The following CCDC191 variants were observed in gnomAD, a reference collection of about 807,000 sequenced individuals.
CCDC191 encodes the protein coiled-coil domain-containing protein 191.
In CCDC191, 99 loss-of-function variants were observed where a neutral mutation model predicts 114.0. The ratio of observed to expected loss-of-function variants is 0.87; its 90% confidence interval spans 0.74 to 1.03. CCDC191 has a LOEUF of 1.03. Ranked by LOEUF, CCDC191 falls within the 50% of genes least tolerant of loss-of-function variation. The pLI, the probability that CCDC191 is intolerant of heterozygous loss-of-function variation, is 0.00. For missense variants in CCDC191, 973 were observed against 1,087.0 expected (o/e 0.90, Z 1.47); for synonymous variants, 351 against 376.0 (o/e 0.93, Z 0.77).
chr3:113,985,019 T>G (rs1302976838), intron 13 of CCDC191, among the ~76,000 whole-genome samples: 2 of 152,116 alleles, frequency 1.3e-5, no homozygotes. Flanking sequence ...GGATACCATA[T>G]GAGTAAGACA....
chr3:114,007,082 C>G (rs1474283144), intron 9 of CCDC191, among the ~76,000 whole-genome samples: 1 of 152,142 alleles, frequency 6.6e-6, no homozygotes, highest in Non-Finnish European at 1.5e-5. Flanking sequence ...AGCTTTATTA[C>G]ATAAATCCCA....
intron 13 of CCDC191, 129 bp from the exon 14 acceptor site, chr3:113,980,922 G>A (rs1326866628): frequency 2.5e-6 from 2 of 790,050 alleles, no homozygotes; most frequent in Middle Eastern, 3.4e-4. Flanking sequence ...ACAGAGCTCT[G>A]GATAATAGGG....
At chr3:113,979,818 A>G (rs2075076476) in intron 14 of CCDC191, among the ~76,000 whole-genome samples, 1 of 152,206 alleles carries the variant, frequency 6.6e-6, no homozygotes, top group Non-Finnish European at 1.5e-5. Flanking sequence ...GCAGACTGAG[A>G]GCCAAAAGAT....
chr3:114,004,810 C>A, intron 10 of CCDC191, 64 bp from the exon 11 acceptor site: 3 of 1,542,504 alleles, frequency 1.9e-6, no homozygotes, highest in South Asian at 1.2e-5. Flanking sequence ...CTCCTTTGAC[C>A]TGAGATGCTC....
chr3:114,012,356 A>T (rs2076085142), intron 8 of CCDC191, among the ~76,000 whole-genome samples: 1 of 152,172 alleles, frequency 6.6e-6, no homozygotes, highest in African/African-American at 2.4e-5. Context: ...ATATTTCATT[A>T]TATTTAATTG....
chr3:114,003,544 C>A, intron 11 of CCDC191: 1 of 985,376 alleles, frequency 1.0e-6, no homozygotes, highest in Non-Finnish European at 1.2e-6. Context: ...CTTTGCCCAT[C>A]TTTTCTAGAT....
chr3:114,034,454 G>A lies in CCDC191; in HGVS notation c.818+471C>T, dbSNP rs575233019. ...GGCAATGTTTCAAGAGTCAGAAAAA[G>A]ACCTGTGTCATTTAACTCAGAAATT... is the stretch of plus-strand genomic sequence containing the variant. On this transcript the variant is annotated intron_variant, in intron 6 of 16. Transcript: ENST00000295878. Among the ~76,000 whole-genome samples the A allele has an allele frequency of 2.0e-5, 3 of 152,186 alleles. No individual in the cohort carries two copies. In the East Asian group the frequency reaches 5.8e-4, roughly 29 times the overall value.
intron 2 of CCDC191, among the ~76,000 whole-genome samples, chr3:114,048,455 T>C (rs1480584016): frequency 6.6e-6 from 1 of 152,212 alleles, no homozygotes; most frequent in African/African-American, 2.4e-5. Context: ...TCCAAGACTC[T>C]CGCTAATCTT....
intron 5 of CCDC191, 119 bp from the exon 6 acceptor site, chr3:114,035,267 C>T: frequency 1.5e-6 from 1 of 679,786 alleles, no homozygotes; most frequent in South Asian, 1.9e-5. Flanking sequence ...TGGCCCAGAA[C>T]TCCACTGTTT....
chr3:114,008,966 A>G (rs1160967462), intron 9 of CCDC191, among the ~76,000 whole-genome samples: 1 of 152,168 alleles, frequency 6.6e-6, no homozygotes, highest in Non-Finnish European at 1.5e-5. Context: ...GGTATAGCCT[A>G]TTGCCCCTAG....
At chr3:114,018,656 T>A (rs1027315618) in intron 8 of CCDC191, 22 bp downstream of exon 8, 1 of 1,579,666 alleles carries the variant, frequency 6.3e-7, no homozygotes, top group African/African-American at 1.4e-5. Context: ...ATACTAGATT[T>A]TCACAATACA....
chr3:114,052,392 G>A (rs1171570927), intron 2 of CCDC191, among the ~76,000 whole-genome samples: 3 of 152,156 alleles, frequency 2.0e-5, no homozygotes, highest in Admixed American at 1.3e-4. Flanking sequence ...GTGTGACTAA[G>A]CCCTGCAGGG....
chr3:114,049,157 C>G (rs2076668547), intron 2 of CCDC191, among the ~76,000 whole-genome samples: 2 of 152,164 alleles, frequency 1.3e-5, no homozygotes, highest in Non-Finnish European at 2.9e-5. Context: ...AAGACATGAG[C>G]CAGAAGAAAA....
intron 1 of CCDC191, among the ~76,000 whole-genome samples, chr3:114,055,100 C>T (rs2107772113): frequency 6.6e-6 from 1 of 152,220 alleles, no homozygotes; most frequent in African/African-American, 2.4e-5. Context: ...CTTTCACTTA[C>T]CTAACACTTT....
chr3:114,022,703 T>C (rs2076260605), intron 7 of CCDC191, among the ~76,000 whole-genome samples: 1 of 152,096 alleles, frequency 6.6e-6, no homozygotes, highest in Non-Finnish European at 1.5e-5. Context: ...AACTTCTCTT[T>C]TCCTTTGTGG....
Position 114,008,040 on chromosome 3 carries a change from A to ATATATATATTACTATATATATAAATTAC in CCDC191, c.1414-2106_1414-2079dup, listed in dbSNP as rs1236988872. 1.6e-3 allele frequency among the ~76,000 whole-genome samples: 230 copies of ATATATATATTACTATATATATAAATTAC among 146,642 alleles called. 1 individual carries two copies. Among genetic ancestry groups the ATATATATATTACTATATATATAAATTAC allele is most frequent in the Non-Finnish European group, 3.1e-3 (204 of 66,538 alleles). ...TGAGTCTAAATATATATAAATTACT[A>ATATATATATTACTATATATATAAATTAC]TATATATATTACTATATATATAAAT... On this transcript the variant is annotated intron_variant, in intron 9 of 16. Coordinates refer to ENST00000295878, the MANE Select transcript of CCDC191 (RefSeq NM_020817.2).
At chr3:114,046,913 T>C (rs2076638031) in intron 2 of CCDC191, 181 bp from the exon 3 acceptor site, 1 of 974,802 alleles carries the variant, frequency 1.0e-6, no homozygotes, top group African/African-American at 1.8e-5. Flanking sequence ...AGGTTTCATA[T>C]ATAATATTAA....
At chr3:113,965,913 T>G (rs1304410002) in intron 16 of CCDC191, among the ~76,000 whole-genome samples, 1 of 151,906 alleles carries the variant, frequency 6.6e-6, no homozygotes, top group Non-Finnish European at 1.5e-5. Flanking sequence ...TTATTTTTGA[T>G]TGAGTGGTGA....
chr3:113,975,226 C>T (rs370840422), intron 16 of CCDC191, among the ~76,000 whole-genome samples: 28 of 152,076 alleles, frequency 1.8e-4, no homozygotes, highest in South Asian at 8.3e-4. Context: ...TAAAATTATC[C>T]GGAAGTGATA....
Sources: allele counts gnomAD v4.1 joint callset (sites outside exome capture counted in the v4.1 genomes callset), GRCh38; gene constraint gnomAD v4.1.1; transcripts MANE v1.5; gene names NCBI Gene and HGNC (gene_info 2026-07-23, HGNC 2026-07-21).